The following PRUNE2 variants were observed in gnomAD, a reference collection of about 807,000 sequenced individuals.
PRUNE2 encodes prune homolog 2 with BCH domain, also known as protein prune homolog 2.
In PRUNE2, 164 loss-of-function variants were observed where a neutral mutation model predicts 252.0. The ratio of observed to expected loss-of-function variants is 0.65; its 90% CI spans 0.57 to 0.74. The LOEUF (loss-of-function observed/expected upper bound fraction) is 0.74, where lower values mean the gene tolerates loss of function less well. Ranked by LOEUF, PRUNE2 falls within the 30% of genes least tolerant of loss-of-function variation. PRUNE2 has a pLI of 0.00. For synonymous variants in PRUNE2, 1,292 were observed against 1,350.2 expected (o/e 0.96, Z 0.94); for missense variants, 3,495 against 3,711.0 (o/e 0.94, Z 1.51).
rs747364708 is a variant in PRUNE2 at position 76,629,192 on chromosome 9, TTGA to T, written c.9146_9148del (p.Ile3049del). ...CATCTCTGAAACTGTCAGGACTTAC[TTGA>T]TGATGCTCTCTGGAATGTGGATGCA... On this transcript the variant is annotated inframe_deletion and splice_region_variant, in exon 16 of 19. Transcript: ENST00000376718. 121 of 1,583,466 alleles carry T rather than the reference TTGA, an allele frequency of 7.6e-5. No individual in the cohort carries two copies. Among genetic ancestry groups the T allele is most frequent in the Non-Finnish European group, 1.0e-4 (119 of 1,156,342 alleles).
chr9:76,901,540 A>G (rs1247918951), intron 1 of PRUNE2, among the ~76,000 whole-genome samples: 3 of 152,218 alleles, frequency 2.0e-5, no homozygotes, highest in African/African-American at 7.2e-5. Flanking sequence ...CTTTCTTCCC[A>G]TGCAAGAGGA....
chr9:76,755,851 G>A (rs12337262), intron 6 of PRUNE2, among the ~76,000 whole-genome samples: 20,044 of 151,992 alleles, frequency 0.13, 2,101 homozygotes, highest in East Asian at 0.41. Context: ...ACAGGTGCAC[G>A]CCACCACGCC....
chr9:76,702,450 C>G (rs1439737942), intron 9 of PRUNE2, among the ~76,000 whole-genome samples: 1 of 152,166 alleles, frequency 6.6e-6, no homozygotes, highest in African/African-American at 2.4e-5. Flanking sequence ...TCCCTGGAAG[C>G]AGGTGGGCTT....
At chr9:76,837,460 A>T (rs1299550453) in intron 4 of PRUNE2, among the ~76,000 whole-genome samples, 3 of 87,376 alleles carry the variant, frequency 3.4e-5, no homozygotes, top group South Asian at 3.5e-4. Context: ...TAATAATAAT[A>T]ATAATAATAA....
intron 9 of PRUNE2, among the ~76,000 whole-genome samples, chr9:76,689,768 C>T (rs1164898215): frequency 6.6e-5 from 10 of 152,166 alleles, no homozygotes; most frequent in Non-Finnish European, 1.3e-4. Flanking sequence ...AAGACAATCA[C>T]TCACTCTAAC....
intron 6 of PRUNE2, among the ~76,000 whole-genome samples, chr9:76,728,529 T>C (rs548203486): frequency 6.6e-6 from 1 of 152,368 alleles, no homozygotes; most frequent in African/African-American, 2.4e-5. Flanking sequence ...TTGTATTGTC[T>C]ACACATAGTT....
chr9:76,704,177 T>G, intron 8 of PRUNE2, 78 bp from the exon 9 acceptor site: 2 of 884,886 alleles, frequency 2.3e-6, no homozygotes, highest in Non-Finnish European at 3.3e-6. Context: ...TCCTTGCAAA[T>G]GATCATCTAA....
At chr9:76,716,972 C>A (rs563590867) in intron 6 of PRUNE2, among the ~76,000 whole-genome samples, 2 of 152,246 alleles carry the variant, frequency 1.3e-5, no homozygotes, top group African/African-American at 4.8e-5. Flanking sequence ...CATCCATGTC[C>A]CTGCAAAGGA....
At chr9:76,727,565 T>C (rs969117283) in intron 6 of PRUNE2, among the ~76,000 whole-genome samples, 3 of 151,920 alleles carry the variant, frequency 2.0e-5, no homozygotes, top group African/African-American at 7.2e-5. Flanking sequence ...GCCAAGATTT[T>C]ATAAAACATC....
chr9:76,850,597 G>A lies in PRUNE2; in HGVS notation c.210C>T (p.Thr70=), dbSNP rs557646349. Residue 70 remains threonine (T), a synonymous_variant, in exon 3 of 19, where the codon ACC becomes ACT. Transcript: ENST00000376718. The part of the protein sequence containing the change: ...NIPRTEFNYF[T]ETRFILEELN... Reference sequence around the variant, plus strand: ...GCTCTTCTAAAATAAACCTCGTCTCGGTGAAGTAGTTGAATTCAGTTCTTG... The same window carrying A: ...GCTCTTCTAAAATAAACCTCGTCTCAGTGAAGTAGTTGAATTCAGTTCTTG... 87 of 1,613,900 alleles carry A rather than the reference G, an allele frequency of 5.4e-5. No homozygotes were observed. The highest frequency in any genetic ancestry group is 3.1e-4 in the South Asian group (28 of 91,066).
At chr9:76,638,058 C>G (rs2132645947) in intron 13 of PRUNE2, 128 bp downstream of exon 13, 1 of 655,680 alleles carries the variant, frequency 1.5e-6, no homozygotes, top group South Asian at 1.8e-5. Context: ...TTGACAGAAA[C>G]CTTACTGACT....
intron 6 of PRUNE2, among the ~76,000 whole-genome samples, chr9:76,813,727 G>A (rs1229980611): frequency 6.6e-6 from 1 of 152,134 alleles, no homozygotes; most frequent in Non-Finnish European, 1.5e-5. Context: ...TTCATTCTAT[G>A]AGAATTAATT....
At chr9:76,869,702 T>G (rs936795358) in intron 1 of PRUNE2, among the ~76,000 whole-genome samples, 1 of 152,232 alleles carries the variant, frequency 6.6e-6, no homozygotes, top group Non-Finnish European at 1.5e-5. Context: ...AAACTGAGTA[T>G]CATGCTCTAT....
chr9:76,694,014 G>A (rs530568933), intron 9 of PRUNE2, among the ~76,000 whole-genome samples: 2 of 152,246 alleles, frequency 1.3e-5, no homozygotes, highest in East Asian at 3.9e-4. Context: ...TTCGGAGCTG[G>A]TTGTATCTTG....
chr9:76,623,262 C>A (rs1486963886), intron 17 of PRUNE2, among the ~76,000 whole-genome samples: 1 of 150,768 alleles, frequency 6.6e-6, no homozygotes, highest in Non-Finnish European at 1.5e-5. Context: ...CAGAAAATTT[C>A]TTTGTAACTT....
chr9:76,653,049 T>G lies in PRUNE2; in HGVS notation c.8357-366A>C, dbSNP rs546635513. On this transcript the variant is annotated intron_variant, in intron 10 of 18. Transcript: ENST00000376718. The stretch of plus-strand genomic sequence containing the variant: ...CTGATAGAAATCTTTGTATGAGATA[T>G]AGACACCCTTCTTGAAAGCAGCCCT... 1.4e-4 allele frequency among the ~76,000 whole-genome samples: 22 copies of G among 152,258 alleles called. No homozygotes were observed. The East Asian group carries it at 2.9e-3, about 20-fold the overall frequency.
At chr9:76,831,157 C>A (rs2058653387) in intron 4 of PRUNE2, among the ~76,000 whole-genome samples, 1 of 152,072 alleles carries the variant, frequency 6.6e-6, no homozygotes, top group South Asian at 2.1e-4. Context: ...TCTCGATCTC[C>A]TGACCTTGTG....
chr9:76,711,217 T>C lies in PRUNE2; in HGVS notation c.1057A>G (p.Ile353Val). The part of the protein sequence containing the change: ...DQVVLVVKEV[I>V]NRRCPEMVSN... ...ACCATCTCTGGACACCTCCTGTTGATGACTTCCTTGACAACGAGAACCACC... is the reference window on the plus strand; with the variant it reads ...ACCATCTCTGGACACCTCCTGTTGACGACTTCCTTGACAACGAGAACCACC... Residue 353 changes from isoleucine (I) to valine (V), a missense_variant, in exon 8 of 19, where the codon ATC (isoleucine) becomes GTC (valine). By Grantham distance (29) the Ile-to-Val change is conservative (BLOSUM62 3). Transcript: ENST00000376718. 6.2e-7 allele frequency: 1 copy of C among 1,613,962 alleles called. No homozygotes were observed. Among genetic ancestry groups the C allele is most frequent in the Non-Finnish European group, 8.5e-7 (1 of 1,179,870 alleles).
chr9:76,824,120 G>A (rs983718178), intron 5 of PRUNE2, among the ~76,000 whole-genome samples: 1 of 152,164 alleles, frequency 6.6e-6, no homozygotes, highest in Non-Finnish European at 1.5e-5. Flanking sequence ...AGAAGGCAAG[G>A]AAGATCCACT....
Sources: allele counts gnomAD v4.1 joint callset (sites outside exome capture counted in the v4.1 genomes callset), GRCh38; gene constraint gnomAD v4.1.1; transcripts MANE v1.5; gene names NCBI Gene and HGNC (gene_info 2026-07-23, HGNC 2026-07-21).